CENPK: variants seen among roughly 807,000 people sequenced by gnomAD.
CENPK encodes centromere protein K, also known as SoxLZ/Sox6-binding protein Solt.
CENPK carries 46 observed loss-of-function variants against 40.9 expected under a neutral mutation model. The ratio of observed to expected loss-of-function variants is 1.13; its 90% CI spans 0.89 to 1.44. CENPK has a LOEUF of 1.44. Among genes scored for constraint, CENPK ranks in the 40% most tolerant of loss-of-function variants. CENPK has a pLI of 0.00. For missense variants in CENPK, 288 were observed against 303.5 expected (o/e 0.95, Z 0.38); for synonymous variants, 107 against 104.4 (o/e 1.02, Z -0.15).
intron 5 of CENPK, among the ~76,000 whole-genome samples, chr5:65,548,571 A>C (rs1749422538): frequency 6.6e-6 from 1 of 152,178 alleles, no homozygotes; most frequent in African/African-American, 2.4e-5. Flanking sequence ...CATTTTACCC[A>C]CAGCAGAACT....
chr5:65,527,417 G>A (rs953392164), intron 9 of CENPK, among the ~76,000 whole-genome samples: 1 of 149,694 alleles, frequency 6.7e-6, no homozygotes, highest in African/African-American at 2.5e-5. Context: ...TCCCTAGGGA[G>A]ACATGAAAGA....
chr5:65,510,316 T>A, the CENPK span, among the ~76,000 whole-genome samples: 1 of 152,212 alleles, frequency 6.6e-6, no homozygotes, highest in South Asian at 2.1e-4. Flanking sequence ...TGCTGATCAA[T>A]GGAGAAAGTT....
intron 2 of CENPK, among the ~76,000 whole-genome samples, chr5:65,558,163 C>G (rs1751305894): frequency 6.6e-6 from 1 of 151,912 alleles, no homozygotes; most frequent in African/African-American, 2.4e-5. Context: ...CACACACACA[C>G]ACATTTTTTT....
At chr5:65,538,386 AC>A (rs770695046) in intron 6 of CENPK, among the ~76,000 whole-genome samples, 1 of 152,092 alleles carries the variant, frequency 6.6e-6, no homozygotes, top group Admixed American at 6.5e-5. Context: ...ATGTGTGGCC[AC>A]CCTACTTTTT....
intron 6 of CENPK, among the ~76,000 whole-genome samples, chr5:65,530,785 C>G (rs1296376607): frequency 6.6e-6 from 1 of 152,024 alleles, no homozygotes; most frequent in Non-Finnish European, 1.5e-5. Context: ...TGCCACATGC[C>G]TGTAGTCCCA....
downstream of CENPK, among the ~76,000 whole-genome samples, chr5:65,515,398 TCAC>T (rs1326518215): frequency 6.6e-6 from 1 of 151,996 alleles, no homozygotes; most frequent in Non-Finnish European, 1.5e-5. Context: ...AGACGGGGTT[TCAC>T]CACGTTAGCC....
At chr5:65,502,333 G>A in the CENPK span, among the ~76,000 whole-genome samples, 1 of 152,160 alleles carries the variant, frequency 6.6e-6, no homozygotes, top group Admixed American at 6.5e-5. Flanking sequence ...GAAAACTGCT[G>A]TGTCCCTCTT....
At chr5:65,545,445 C>T (rs1748759766) in intron 5 of CENPK, among the ~76,000 whole-genome samples, 1 of 151,388 alleles carries the variant, frequency 6.6e-6, no homozygotes, top group Non-Finnish European at 1.5e-5. Context: ...CCAAGGGAGG[C>T]AGAGGTAAGT....
chr5:65,525,450 T>C (rs546472786), intron 9 of CENPK, among the ~76,000 whole-genome samples: 6 of 152,300 alleles, frequency 3.9e-5, no homozygotes, highest in African/African-American at 1.4e-4. Context: ...ATCCATCTAT[T>C]TATGGTTCTA....
At chr5:65,505,040 G>A in the CENPK span, among the ~76,000 whole-genome samples, 2 of 152,036 alleles carry the variant, frequency 1.3e-5, no homozygotes, top group Non-Finnish European at 2.9e-5. Flanking sequence ...CCAATCCTCT[G>A]CCTTAGCCTC....
intron 10 of CENPK, among the ~76,000 whole-genome samples, chr5:65,521,087 A>C (rs1743648010): frequency 6.6e-6 from 1 of 152,120 alleles, no homozygotes; most frequent in South Asian, 2.1e-4. Context: ...TACGTATTTT[A>C]TATAGAGTAC....
At chr5:65,501,249 G>A in the CENPK span, among the ~76,000 whole-genome samples, 163 of 123,178 alleles carry the variant, frequency 1.3e-3, 3 homozygotes, top group East Asian at 0.027. Flanking sequence ...ATGCAATCTC[G>A]CTCACTGCCA....
chr5:65,527,814 C>T (rs953223812), intron 9 of CENPK, among the ~76,000 whole-genome samples: 1 of 151,976 alleles, frequency 6.6e-6, no homozygotes, highest in Non-Finnish European at 1.5e-5. Flanking sequence ...TAGATTCAAA[C>T]AATTTAATCA....
At chr5:65,520,181 T>TG (rs1256328276) in intron 10 of CENPK, among the ~76,000 whole-genome samples, 5 of 152,158 alleles carry the variant, frequency 3.3e-5, no homozygotes, top group African/African-American at 1.2e-4. Flanking sequence ...TCTCGCAAGA[T>TG]CCGGCTGCTT....
chr5:65,525,621 G>A (rs1020545350), intron 9 of CENPK, among the ~76,000 whole-genome samples: 1 of 152,056 alleles, frequency 6.6e-6, no homozygotes, highest in East Asian at 1.9e-4. Flanking sequence ...TGGACTGAAC[G>A]ATGTCTCCCC....
At chr5:65,547,779 C>G (rs955808871) in intron 5 of CENPK, among the ~76,000 whole-genome samples, 1 of 152,088 alleles carries the variant, frequency 6.6e-6, no homozygotes. Context: ...ATTCTCCTGC[C>G]TCAGCATCCC....
chr5:65,558,883 G>T (rs1480555295), intron 2 of CENPK, among the ~76,000 whole-genome samples: 5 of 152,188 alleles, frequency 3.3e-5, no homozygotes, highest in African/African-American at 1.2e-4. Flanking sequence ...TAAGAATTAT[G>T]ATAGTAGTAC....
chr5:65,525,365 C>CA (rs61483688), intron 9 of CENPK, among the ~76,000 whole-genome samples: 2,920 of 137,416 alleles, frequency 0.021, 70 homozygotes, highest in African/African-American at 0.063. Flanking sequence ...GATTCCATCT[C>CA]AAAAAAAAAA....
At chr5:65,522,206 G>T (rs906732006) in intron 9 of CENPK, among the ~76,000 whole-genome samples, 3 of 152,104 alleles carry the variant, frequency 2.0e-5, no homozygotes, top group Admixed American at 1.3e-4. Flanking sequence ...TGCAGTTTCA[G>T]TATAGGAAAC....
Sources: allele counts gnomAD v4.1 joint callset (sites outside exome capture counted in the v4.1 genomes callset), GRCh38; gene constraint gnomAD v4.1.1; transcripts MANE v1.5; gene names NCBI Gene and HGNC (gene_info 2026-07-23, HGNC 2026-07-21).